The following NRG3 variants were observed in gnomAD, a reference collection of about 807,000 sequenced individuals.
NRG3 encodes neuregulin 3, also known as pro-neuregulin-3, membrane-bound isoform.
NRG3 carries 31 observed loss-of-function variants against 66.9 expected under a neutral mutation model. That is an observed-to-expected ratio of 0.46 (90% CI 0.35 to 0.63). The LOEUF (loss-of-function observed/expected upper bound fraction) is 0.63. Ranked by LOEUF, NRG3 falls within the 20% of genes least tolerant of loss-of-function variation. The pLI is 0.00. For synonymous variants in NRG3, 393 were observed against 359.4 expected, an observed-to-expected ratio of 1.09 and a Z score of -1.06; for missense variants, 910 against 878.9, an observed-to-expected ratio of 1.04 and a Z score of -0.45.
intron 8 of NRG3, among the ~76,000 whole-genome samples, chr10:82,981,851 C>T (rs534136115): frequency 6.6e-6 from 1 of 152,136 alleles, no homozygotes; most frequent in East Asian, 1.9e-4. Context: ...GAGATGGAAT[C>T]ACAAAAGTTA....
chr10:82,108,779 TC>T (rs2067210858), intron 1 of NRG3, among the ~76,000 whole-genome samples: 1 of 152,152 alleles, frequency 6.6e-6, no homozygotes, highest in African/African-American at 2.4e-5. Flanking sequence ...ACTTTGATGT[TC>T]CTTACAGAAG....
chr10:82,122,848 C>T (rs888016132), intron 1 of NRG3, among the ~76,000 whole-genome samples: 4 of 152,074 alleles, frequency 2.6e-5, no homozygotes, highest in African/African-American at 7.2e-5. Context: ...TCTGGCTCTA[C>T]AACCCAACTT....
At chr10:82,167,397 C>G (rs2072166839) in intron 1 of NRG3, among the ~76,000 whole-genome samples, 1 of 152,046 alleles carries the variant, frequency 6.6e-6, no homozygotes, top group Admixed American at 6.6e-5. Flanking sequence ...ATGACTCTCT[C>G]AATAGTAAAC....
At chr10:82,340,036 T>C (rs990179271) in intron 1 of NRG3, among the ~76,000 whole-genome samples, 3 of 152,156 alleles carry the variant, frequency 2.0e-5, no homozygotes, top group African/African-American at 7.2e-5. Flanking sequence ...AAAGTGTCTT[T>C]GACAGTTGGC....
intron 1 of NRG3, among the ~76,000 whole-genome samples, chr10:82,105,825 A>G (rs2067027425): frequency 6.6e-6 from 1 of 152,200 alleles, no homozygotes; most frequent in East Asian, 1.9e-4. Context: ...GACAATTAGG[A>G]AGAAATAGAA....
At chr10:82,554,781 G>GTAACCACTAAA (rs1382574258) in intron 2 of NRG3, among the ~76,000 whole-genome samples, 2 of 152,152 alleles carry the variant, frequency 1.3e-5, no homozygotes, top group Non-Finnish European at 2.9e-5. Flanking sequence ...TATATTAATT[G>GTAACCACTAAA]GATCTTGTGT....
intron 3 of NRG3, among the ~76,000 whole-genome samples, chr10:82,784,492 G>A (rs2060259162): frequency 6.6e-6 from 1 of 151,884 alleles, no homozygotes; most frequent in Non-Finnish European, 1.5e-5. Flanking sequence ...AATCTACAAT[G>A]AACTCAAATT....
At chr10:82,010,678 A>G (rs1393853720) in intron 1 of NRG3, among the ~76,000 whole-genome samples, 1 of 152,192 alleles carries the variant, frequency 6.6e-6, no homozygotes, top group East Asian at 1.9e-4. Flanking sequence ...CCTGAATTAC[A>G]AGGCACAGAT....
intron 1 of NRG3, among the ~76,000 whole-genome samples, chr10:82,030,706 A>C (rs2062529823): frequency 1.3e-5 from 2 of 151,774 alleles, no homozygotes; most frequent in East Asian, 1.9e-4. Flanking sequence ...TTGGAAAAAA[A>C]AAAAAGGGAC....
intron 1 of NRG3, among the ~76,000 whole-genome samples, chr10:81,904,423 A>G (rs150637792): frequency 6.6e-6 from 1 of 152,080 alleles, no homozygotes; most frequent in Non-Finnish European, 1.5e-5. Context: ...AAATCTCTTG[A>G]CTGTTCCCAG....
intron 1 of NRG3, among the ~76,000 whole-genome samples, chr10:81,999,815 G>C (rs1179985082): frequency 6.6e-6 from 1 of 152,140 alleles, no homozygotes. Context: ...TTATCTCTAA[G>C]TAACACAGAA....
chr10:82,780,732 C>T (rs949266829), intron 3 of NRG3, among the ~76,000 whole-genome samples: 6 of 152,072 alleles, frequency 3.9e-5, no homozygotes, highest in Non-Finnish European at 8.8e-5. Flanking sequence ...TGGCCTGATT[C>T]TATTAGGTCT....
At chr10:82,333,222 A>G (rs2082224815) in intron 1 of NRG3, among the ~76,000 whole-genome samples, 1 of 152,174 alleles carries the variant, frequency 6.6e-6, no homozygotes, top group African/African-American at 2.4e-5. Context: ...CCTTGTCCTT[A>G]AGGAGCTCAG....
At chr10:81,970,360 G>A (rs1196959270) in intron 1 of NRG3, among the ~76,000 whole-genome samples, 1 of 152,210 alleles carries the variant, frequency 6.6e-6, no homozygotes, top group East Asian at 1.9e-4. Context: ...AGGTAGTGAA[G>A]TGCAAAATAA....
intron 2 of NRG3, among the ~76,000 whole-genome samples, chr10:82,459,535 C>G (rs2091421451): frequency 6.6e-6 from 1 of 152,150 alleles, no homozygotes; most frequent in South Asian, 2.1e-4. Context: ...AGTTTATAGT[C>G]TAGAAACATA....
At chr10:82,220,276 A>G (rs1382394805) in intron 1 of NRG3, among the ~76,000 whole-genome samples, 1 of 152,062 alleles carries the variant, frequency 6.6e-6, no homozygotes. Flanking sequence ...TATATAATTA[A>G]GGCACCTAAC....
chr10:82,854,062 A>G (rs2063691129), intron 3 of NRG3, among the ~76,000 whole-genome samples: 1 of 152,200 alleles, frequency 6.6e-6, no homozygotes, highest in African/African-American at 2.4e-5. Context: ...AAGATTCAAT[A>G]AGCATTCACT....
At chr10:82,277,819 A>G (rs545211442) in intron 1 of NRG3, among the ~76,000 whole-genome samples, 16 of 152,120 alleles carry the variant, frequency 1.1e-4, no homozygotes, top group African/African-American at 3.6e-4. Context: ...CAAGATCCAC[A>G]TTTTTTTCTT....
intron 1 of NRG3, among the ~76,000 whole-genome samples, chr10:82,292,940 G>A (rs1208581167): frequency 6.6e-6 from 1 of 152,204 alleles, no homozygotes; most frequent in Non-Finnish European, 1.5e-5. Context: ...GCTTTCTTGT[G>A]ACACTGCATT....
Sources: gnomAD v4.1 joint callset for allele counts (sites outside exome capture counted in the v4.1 genomes callset) on GRCh38, gnomAD v4.1.1 for gene constraint, MANE v1.5 for transcripts, NCBI Gene and HGNC (gene_info 2026-07-23, HGNC 2026-07-21) for gene names.